The following SHQ1 variants were observed in gnomAD, a reference collection of about 807,000 sequenced individuals.
The protein encoded by SHQ1 is protein SHQ1 homolog.
In SHQ1, 49 loss-of-function variants were observed where a neutral mutation model predicts 53.8. The ratio of observed to expected loss-of-function variants is 0.91; its 90% CI spans 0.72 to 1.16. SHQ1 has a LOEUF of 1.16. Among genes scored for constraint, SHQ1 ranks in the 50% most tolerant of loss-of-function variants. The pLI, the probability that SHQ1 is intolerant of heterozygous loss-of-function variation, is 0.00. For synonymous variants in SHQ1, 243 were observed against 251.0 expected, an observed-to-expected ratio of 0.97 and a Z score of 0.30; for missense variants, 738 against 683.1, an observed-to-expected ratio of 1.08 and a Z score of -0.90.
chr3:72,815,486 C>T (rs1177579549), intron 7 of SHQ1, 83 bp from the exon 8 acceptor site: 1 of 1,070,460 alleles, frequency 9.3e-7, no homozygotes, highest in South Asian at 1.3e-5. Context: ...TTTATTCAAC[C>T]AGTGTCTGAG....
intron 10 of SHQ1, among the ~76,000 whole-genome samples, chr3:72,758,667 T>G (rs1185478316): frequency 6.6e-6 from 1 of 150,576 alleles, no homozygotes; most frequent in Non-Finnish European, 1.5e-5. Flanking sequence ...CCTCCTGGGT[T>G]CAAGCAGTTC....
At chr3:72,804,002 G>C (rs1402593222) in intron 9 of SHQ1, among the ~76,000 whole-genome samples, 1 of 151,996 alleles carries the variant, frequency 6.6e-6, no homozygotes, top group Non-Finnish European at 1.5e-5. Flanking sequence ...CTGTAACCTC[G>C]AACTCCTGGG....
the SHQ1 span, among the ~76,000 whole-genome samples, chr3:72,729,102 G>A: frequency 6.6e-6 from 1 of 152,224 alleles, no homozygotes; most frequent in South Asian, 2.1e-4. Flanking sequence ...ACTGATGCGT[G>A]AATGAACAAA....
intron 10 of SHQ1, among the ~76,000 whole-genome samples, chr3:72,780,360 T>C (rs1040260696): frequency 1.3e-5 from 2 of 152,230 alleles, no homozygotes; most frequent in African/African-American, 2.4e-5. Flanking sequence ...TTAACTGTTA[T>C]GTCCCTTAAA....
intron 10 of SHQ1, among the ~76,000 whole-genome samples, chr3:72,789,081 T>TAAAAA (rs1205170855): frequency 3.2e-5 from 2 of 61,692 alleles, no homozygotes; most frequent in Non-Finnish European, 7.0e-5. Flanking sequence ...CAATAAACAC[T>TAAAAA]AAAAAAAAAA....
rs1398628803 is a variant in SHQ1 at position 72,777,266 on chromosome 3, C to T, written c.1181+15650G>A. ...CACTACAAGGAGACTGAAACATAAA[C>T]TATAAACTGGAAGAAAATATTTGCA... On this transcript the variant is annotated intron_variant, in intron 10 of 10. Transcript: ENST00000325599. Among the ~76,000 whole-genome samples, 6 of 152,006 alleles carry T rather than the reference C, an allele frequency of 3.9e-5. No homozygotes were observed. In the East Asian group the frequency reaches 1.2e-3, roughly 29 times the overall value.
Position 72,815,410 on chromosome 3 carries a change from TTGTTTTGGAGAAA to T in SHQ1, c.883-20_883-8del. On this transcript the variant is annotated splice_polypyrimidine_tract_variant and splice_region_variant and intron_variant, in intron 7 of 10. Transcript: ENST00000325599. ...TATTCCATGCAGATTCAACCTTTAT[TTGTTTTGGAGAAA>T]AGAATACCATCACATTAGAGGTGAA... 1 of 1,612,024 alleles carries T rather than the reference TTGTTTTGGAGAAA, an allele frequency of 6.2e-7. No individual in the cohort carries two copies.
chr3:72,726,265 A>G, the SHQ1 span, among the ~76,000 whole-genome samples: 1 of 152,216 alleles, frequency 6.6e-6, no homozygotes, highest in Non-Finnish European at 1.5e-5. Context: ...CCTCTCAGCC[A>G]GGCCGCCTCC....
rs1386786636 is a variant in SHQ1 at position 72,812,803 on chromosome 3, T to G, written c.937-9A>C. On this transcript the variant is annotated splice_polypyrimidine_tract_variant and intron_variant, in intron 8 of 10. Transcript: ENST00000325599. ...TGAACGTTAGTCCAAGTCTGTGAAG[T>G]GTCATTTTAATAAGCAGTCATTTCC... 2 of 1,613,478 alleles carry G rather than the reference T, an allele frequency of 1.2e-6. No homozygotes were observed. Among genetic ancestry groups the G allele is most frequent in the African/African-American group, 1.3e-5 (1 of 75,016 alleles).
At chr3:72,831,927 G>C (rs1707835192) in intron 5 of SHQ1, among the ~76,000 whole-genome samples, 1 of 152,186 alleles carries the variant, frequency 6.6e-6, no homozygotes, top group Admixed American at 6.5e-5. Context: ...CTGATTACAA[G>C]GGCTAGTGGA....
At chr3:72,778,772 C>A (rs1575686601) in intron 10 of SHQ1, among the ~76,000 whole-genome samples, 1 of 152,256 alleles carries the variant, frequency 6.6e-6, no homozygotes, top group South Asian at 2.1e-4. Context: ...GATTAAAGTA[C>A]AGATCACCAC....
chr3:72,753,337 T>TCATTTCAGTGGAGCTGATGGTA, intron 10 of SHQ1: 1 of 985,426 alleles, frequency 1.0e-6, no homozygotes, highest in Non-Finnish European at 1.2e-6. Context: ...AAATGAGGCT[T>TCATTTCAGTGGAGCTGATGGTA]CATTTCAGTG....
intron 9 of SHQ1, among the ~76,000 whole-genome samples, chr3:72,805,507 G>A (rs1208172586): frequency 6.6e-6 from 1 of 151,968 alleles, no homozygotes; most frequent in Non-Finnish European, 1.5e-5. Context: ...TCTCAAAACT[G>A]ACTTTAAATT....
chr3:72,771,457 A>G (rs1398243518), intron 10 of SHQ1, among the ~76,000 whole-genome samples: 2 of 152,240 alleles, frequency 1.3e-5, no homozygotes, highest in Non-Finnish European at 2.9e-5. Context: ...ATACTTAAAG[A>G]CGAATATGAA....
the SHQ1 span, among the ~76,000 whole-genome samples, chr3:72,740,115 G>A: frequency 6.6e-6 from 1 of 152,188 alleles, no homozygotes; most frequent in African/African-American, 2.4e-5. Context: ...CTGGTTTTGT[G>A]CTCCATCCTC....
At chr3:72,789,742 A>ATTG (rs1706379561) in intron 10 of SHQ1, among the ~76,000 whole-genome samples, 4 of 152,210 alleles carry the variant, frequency 2.6e-5, no homozygotes, top group African/African-American at 9.6e-5. Flanking sequence ...GGGGAAAGAG[A>ATTG]TACACATCTA....
At chr3:72,826,957 C>A (rs1462855382) in intron 5 of SHQ1, among the ~76,000 whole-genome samples, 1 of 152,118 alleles carries the variant, frequency 6.6e-6, no homozygotes, top group Non-Finnish European at 1.5e-5. Flanking sequence ...CTTATTGCAG[C>A]CTGGAAAATG....
chr3:72,826,351 T>C (rs544005444), intron 5 of SHQ1, among the ~76,000 whole-genome samples: 3 of 152,362 alleles, frequency 2.0e-5, no homozygotes, highest in African/African-American at 7.2e-5. Context: ...ATTGAAGTTC[T>C]ACTATAAACT....
chr3:72,821,067 G>A (rs937509041), intron 6 of SHQ1, among the ~76,000 whole-genome samples: 6 of 152,054 alleles, frequency 3.9e-5, no homozygotes, highest in Non-Finnish European at 7.3e-5. Flanking sequence ...TCAGAGTAAC[G>A]CACATCTGTC....
Sources: gnomAD v4.1 joint callset for allele counts (sites outside exome capture counted in the v4.1 genomes callset) on GRCh38, gnomAD v4.1.1 for gene constraint, MANE v1.5 for transcripts, NCBI Gene and HGNC (gene_info 2026-07-23, HGNC 2026-07-21) for gene names.